The following TSHZ2 variants were observed in gnomAD, a reference collection of about 807,000 sequenced individuals.
TSHZ2 encodes the protein teashirt zinc finger homeobox 2, also known as teashirt homolog 2.
Under a neutral mutation model 74.4 loss-of-function variants are expected in TSHZ2, and 21 were observed. That is an observed-to-expected ratio of 0.28 (90% CI 0.20 to 0.41). The LOEUF (loss-of-function observed/expected upper bound fraction) is 0.41, where lower values mean the gene tolerates loss of function less well. TSHZ2 is among the 10% of genes least tolerant of loss of function. TSHZ2 has a pLI of 1.00. For missense variants in TSHZ2, 1,244 were observed against 1,293.5 expected, an observed-to-expected ratio of 0.96 and a Z score of 0.59; for synonymous variants, 540 against 515.3, an observed-to-expected ratio of 1.05 and a Z score of -0.65.
At chr20:53,192,293 A>G (rs959267255) in intron 1 of TSHZ2, among the ~76,000 whole-genome samples, 1 of 40,434 alleles carries the variant, frequency 2.5e-5, no homozygotes, top group African/African-American at 6.6e-5. Flanking sequence ...TTCTCTGGCT[A>G]AAAAAAAAAA....
In TSHZ2 at chr20:53,463,286, T is replaced by TAGAG. The variant is rs1985437067; in HGVS notation, c.*9-23856_*9-23853dup. Among the ~76,000 whole-genome samples the TAGAG allele has an allele frequency of 5.9e-5, 9 of 151,722 alleles. No individual in the cohort carries two copies. The South Asian group carries it at 1.9e-3, about 32-fold the overall frequency. ...ATGCCTGCAATCTTAGCACTTTGGG[T>TAGAG]AGAGACAGGAGAATCACATGAGCCC... On this transcript the variant is annotated intron_variant, in intron 2 of 2. Transcript: ENST00000371497.
intron 2 of TSHZ2, among the ~76,000 whole-genome samples, chr20:53,325,060 A>G (rs1280345871): frequency 2.0e-5 from 3 of 152,250 alleles, no homozygotes; most frequent in Admixed American, 2.0e-4. Flanking sequence ...GGAATAATCC[A>G]GAAGCAGTGT....
intron 2 of TSHZ2, among the ~76,000 whole-genome samples, chr20:53,317,671 T>G (rs1271390850): frequency 6.6e-6 from 1 of 152,188 alleles, no homozygotes; most frequent in Non-Finnish European, 1.5e-5. Context: ...ATGCATGGAT[T>G]TTACAAGAAG....
At chr20:53,422,989 T>G (rs910274093) in intron 2 of TSHZ2, among the ~76,000 whole-genome samples, 4 of 151,640 alleles carry the variant, frequency 2.6e-5, no homozygotes, top group East Asian at 3.9e-4. Context: ...AGTCCCCATT[T>G]TATAGATGAG....
rs151169429 is a variant in TSHZ2 at position 53,275,981 on chromosome 20, A to C, written c.*8+19410A>C. Among the ~76,000 whole-genome samples, 16 of 152,342 alleles carry C rather than the reference A, an allele frequency of 1.1e-4. No homozygotes were observed. The East Asian group carries it at 2.9e-3, about 28-fold the overall frequency. ...AGCATGTTAAGTCTACATTGTGTAT[A>C]TCAAAATCTCTTATTTACAATTCAC... is the stretch of plus-strand genomic sequence containing the variant. On this transcript the variant is annotated intron_variant, in intron 2 of 2. Coordinates refer to ENST00000371497, the MANE Select transcript of TSHZ2 (RefSeq NM_173485.6).
At chr20:53,341,728 G>C (rs1027711643) in intron 2 of TSHZ2, among the ~76,000 whole-genome samples, 3 of 152,108 alleles carry the variant, frequency 2.0e-5, no homozygotes, top group Admixed American at 6.5e-5. Context: ...GGTGCGGGCT[G>C]GGGGGACAGA....
At position 53,292,672 on chromosome 20, in the gene TSHZ2, C is replaced by A. The variant is rs576434541; in HGVS notation, c.*8+36101C>A. On this transcript the variant is annotated intron_variant, in intron 2 of 2. Coordinates refer to ENST00000371497, the MANE Select transcript of TSHZ2 (RefSeq NM_173485.6). ...ACTATGTTGCCCAGTCTATAAACCA[C>A]CTTCTGGCTACAATTTCCTTTTCCA... Among the ~76,000 whole-genome samples, 8 of 152,126 alleles carry A rather than the reference C, an allele frequency of 5.3e-5. No homozygotes were observed. In the South Asian group the frequency reaches 8.3e-4, roughly 16 times the overall value.
chr20:53,401,145 G>A (rs1982644646), intron 2 of TSHZ2: 6 of 152,206 alleles, frequency 3.9e-5, no homozygotes, highest in Admixed American at 3.9e-4. Context: ...CTGTGTGCCT[G>A]AGGCGGTGCT....
intron 2 of TSHZ2, among the ~76,000 whole-genome samples, chr20:53,464,209 G>C (rs913004331): frequency 2.0e-5 from 3 of 152,206 alleles, no homozygotes; most frequent in Non-Finnish European, 4.4e-5. Flanking sequence ...TGCTCTCCTA[G>C]AACCTGAATG....
chr20:53,119,573 C>T (rs1394067040), intron 1 of TSHZ2, among the ~76,000 whole-genome samples: 1 of 152,054 alleles, frequency 6.6e-6, no homozygotes, highest in African/African-American at 2.4e-5. Context: ...CCCAATGGAG[C>T]TATGTTTTAT....
chr20:53,350,181 C>G (rs781741932), intron 2 of TSHZ2, among the ~76,000 whole-genome samples: 7 of 152,228 alleles, frequency 4.6e-5, no homozygotes, highest in Non-Finnish European at 8.8e-5. Flanking sequence ...TATAGAAAGT[C>G]ACATATTCAC....
At chr20:53,267,457 A>G (rs1263099090) in intron 2 of TSHZ2, among the ~76,000 whole-genome samples, 2 of 152,226 alleles carry the variant, frequency 1.3e-5, no homozygotes, top group African/African-American at 2.4e-5. Context: ...ACATCTTTCA[A>G]TAATCTCACA....
intron 1 of TSHZ2, among the ~76,000 whole-genome samples, chr20:53,037,614 AG>A (rs1449002672): frequency 6.6e-6 from 1 of 152,192 alleles, no homozygotes; most frequent in Non-Finnish European, 1.5e-5. Flanking sequence ...GTAAGTTTCT[AG>A]GGGTCATAGA....
At chr20:53,377,966 T>C (rs1981721436) in intron 2 of TSHZ2, among the ~76,000 whole-genome samples, 1 of 152,174 alleles carries the variant, frequency 6.6e-6, no homozygotes, top group South Asian at 2.1e-4. Flanking sequence ...CTCTTTCCAC[T>C]ACGGGAAATG....
intron 2 of TSHZ2, among the ~76,000 whole-genome samples, chr20:53,295,790 G>C (rs1219477285): frequency 6.6e-6 from 1 of 152,178 alleles, no homozygotes; most frequent in Non-Finnish European, 1.5e-5. Context: ...AAAAGTGTTA[G>C]TGGGATGTTA....
At chr20:53,431,838 T>A (rs537158312) in intron 2 of TSHZ2, among the ~76,000 whole-genome samples, 54 of 152,292 alleles carry the variant, frequency 3.5e-4, no homozygotes, top group Non-Finnish European at 3.1e-4. Flanking sequence ...GCCCAGAAAA[T>A]ACACATAATA....
At chr20:53,177,877 T>C (rs1988382374) in intron 1 of TSHZ2, among the ~76,000 whole-genome samples, 1 of 152,166 alleles carries the variant, frequency 6.6e-6, no homozygotes, top group Non-Finnish European at 1.5e-5. Flanking sequence ...TCTCAGAGCC[T>C]CTATTTCCTC....
chr20:53,162,974 TA>T (rs944106290), intron 1 of TSHZ2, among the ~76,000 whole-genome samples: 1 of 152,224 alleles, frequency 6.6e-6, no homozygotes, highest in South Asian at 2.1e-4. Flanking sequence ...TAATTGTTTT[TA>T]AAAAGTTTAC....
chr20:53,491,838 T>C lies in TSHZ2; in HGVS notation c.*4703T>C, dbSNP rs1304788336. The C allele has an allele frequency of 6.6e-6, 1 of 152,186 alleles. No homozygotes were observed. Among genetic ancestry groups the C allele is most frequent in the Non-Finnish European group, 1.5e-5 (1 of 68,022 alleles). 9.4% of individuals were successfully genotyped at this position (152,186 alleles called of 1,614,324 possible). Reference sequence around the variant, plus strand: ...ATGGCTCTTCCAAGGAATGACACCTTTACTTGACACCCTTCGGCATACAAA... The same window carrying C: ...ATGGCTCTTCCAAGGAATGACACCTCTACTTGACACCCTTCGGCATACAAA... On this transcript the variant is annotated 3_prime_UTR_variant, in exon 3 of 3. Coordinates refer to ENST00000371497, the MANE Select transcript of TSHZ2 (RefSeq NM_173485.6).
Sources: allele counts gnomAD v4.1 joint callset (sites outside exome capture counted in the v4.1 genomes callset), GRCh38; gene constraint gnomAD v4.1.1; transcripts MANE v1.5; gene names NCBI Gene and HGNC (gene_info 2026-07-23, HGNC 2026-07-21).